Variants in SEMG1 observed in about 807,000 individuals in gnomAD.
SEMG1 encodes the protein semenogelin 1.
In SEMG1, 6 loss-of-function variants were observed where a neutral mutation model predicts 8.8. The observed-to-expected ratio is 0.68, with a 90% CI of 0.37 to 1.35. SEMG1 has a LOEUF of 1.35. SEMG1 is among the 40% of genes most tolerant of loss of function. The pLI, the probability that SEMG1 is intolerant of heterozygous loss-of-function variation, is 0.02. For synonymous variants in SEMG1, 221 were observed against 190.3 expected (o/e 1.16, Z -1.33); for missense variants, 580 against 533.6 (o/e 1.09, Z -0.86).
chr20:45,209,150 C>T (rs972280362), intron 2 of SEMG1, among the ~76,000 whole-genome samples: 4 of 152,106 alleles, frequency 2.6e-5, no homozygotes, highest in Non-Finnish European at 4.4e-5. Context: ...TCTTTCTGCA[C>T]ACCAGTGAAT....
At chr20:45,207,308 G>T in intron 1 of SEMG1, 66 bp from the exon 2 acceptor site, 1 of 1,446,922 alleles carries the variant, frequency 6.9e-7, no homozygotes, top group Non-Finnish European at 9.4e-7. Flanking sequence ...GGGAAAAGTG[G>T]GGGGTAAGAG....
In SEMG1 at chr20:45,207,061, C is replaced by T; in HGVS notation, c.8C>T (p.Pro3Leu). The change falls in exon 1 of 3, where the codon CCC becomes CTC. Residue 3 changes from proline to leucine, a missense_variant. By Grantham distance (98) the Pro-to-Leu change is moderately conservative. Transcript: ENST00000372781. ...CAAGGTTTTCCAAGCAAGATGAAGC[C>T]CAACATCATCTTTGTACTTTCCCTG... MK[P>L]NIIFVLSLLL... The T allele has an allele frequency of 6.2e-7, 1 of 1,613,574 alleles. No individual in the cohort carries two copies. Among genetic ancestry groups the T allele is most frequent in the Non-Finnish European group, 8.5e-7 (1 of 1,179,684 alleles).
Position 45,208,975 on chromosome 20 carries a change from TA to T in SEMG1, c.*44+246del, listed in dbSNP as rs560731009. 2.6e-3 allele frequency among the ~76,000 whole-genome samples: 402 copies of T among 152,360 alleles called. 2 individuals carry two copies. Among genetic ancestry groups the T allele is most frequent in the Non-Finnish European group, 2.1e-3 (141 of 68,036 alleles). ...TCCTTAATTGAATATTCTTCAATAA[TA>T]TTTTTTTGTATATGCCTACCTGCTA... is the stretch of plus-strand genomic sequence containing the variant. On this transcript the variant is annotated intron_variant, in intron 2 of 2. Transcript: ENST00000372781.
In SEMG1 at chr20:45,207,449, A is replaced by T. The variant is rs1983718553; in HGVS notation, c.152A>T (p.Gln51Leu). 1 of 1,613,924 alleles carries T rather than the reference A, an allele frequency of 6.2e-7. No individual in the cohort carries two copies. Among genetic ancestry groups the T allele is most frequent in the East Asian group, 2.2e-5 (1 of 44,882 alleles). ...HGQKGQHYSG[Q>L]KGKQQTESKG... Reference sequence around the variant, plus strand: ...CAAAAGGGCCAGCACTATTCTGGACAAAAAGGCAAGCAACAAACTGAATCC... The same window carrying T: ...CAAAAGGGCCAGCACTATTCTGGACTAAAAGGCAAGCAACAAACTGAATCC... Residue 51 changes from glutamine to leucine, a missense_variant, in exon 2 of 3, where the codon CAA (glutamine) becomes CTA (leucine). By Grantham distance (113) the Gln-to-Leu change is moderately radical (BLOSUM62 -2). Coordinates refer to ENST00000372781, the MANE Select transcript of SEMG1 (RefSeq NM_003007.5).
At chr20:45,207,199 A>T in intron 1 of SEMG1, 70 bp downstream of exon 1, 4 of 1,599,732 alleles carry the variant, frequency 2.5e-6, no homozygotes, top group Non-Finnish European at 3.4e-6. Context: ...TTTGGGGTGC[A>T]AACAGTAACC....
At position 45,207,940 on chromosome 20, in the gene SEMG1, C is replaced by G; in HGVS notation, c.643C>G (p.Gln215Glu). 2 of 1,613,972 alleles carry G rather than the reference C, an allele frequency of 1.2e-6. No individual in the cohort carries two copies. The highest frequency in any genetic ancestry group is 1.7e-6 in the Non-Finnish European group (2 of 1,179,960). The change falls in exon 2 of 3, where the codon CAA becomes GAA. Residue 215 changes from glutamine to glutamate, a missense_variant. Physicochemically the swap from Gln to Glu is conservative, Grantham distance 29 (BLOSUM62 2). Transcript: ENST00000372781. ...ACAACGTGAGACTAAAAATTCTCATCAAAATAAAGGGCATTACCAAAATGT... is the reference window on the plus strand; with the variant it reads ...ACAACGTGAGACTAAAAATTCTCATGAAAATAAAGGGCATTACCAAAATGT... ...KQQRETKNSH[Q>E]NKGHYQNVVE...
chr20:45,208,223 T>C lies in SEMG1; in HGVS notation c.926T>C (p.Val309Ala). The change falls in exon 2 of 3, where the codon GTA (valine) becomes GCA (alanine). Residue 309 changes from valine to alanine, a missense_variant. By Grantham distance (64) the Val-to-Ala change is moderately conservative. Transcript: ENST00000372781. ...HYGENGVQKDVSQSSIYSQTE... is the reference protein window; with the variant it reads ...HYGENGVQKDASQSSIYSQTE... ...GGAGAAAATGGTGTGCAGAAAGATG[T>C]ATCCCAAAGCAGTATTTATAGCCAA... 1 of 1,612,536 alleles carries C rather than the reference T, an allele frequency of 6.2e-7. No individual in the cohort carries two copies. The highest frequency in any genetic ancestry group is 1.3e-5 in the African/African-American group (1 of 74,854).
Position 45,208,651 on chromosome 20 carries a change from C to T in SEMG1, c.1354C>T (p.His452Tyr), listed in dbSNP as rs1983773532. 6.2e-7 allele frequency: 1 copy of T among 1,612,112 alleles called. No individual in the cohort carries two copies. The highest frequency in any genetic ancestry group is 8.5e-7 in the Non-Finnish European group (1 of 1,179,110). ...EDDSDRHLAQ[H>Y]LNNDRNPLFT Reference sequence around the variant, plus strand: ...TGACAGTGATCGTCATTTGGCACAACATCTTAACAACGACCGAAACCCATT... The same window carrying T: ...TGACAGTGATCGTCATTTGGCACAATATCTTAACAACGACCGAAACCCATT... Residue 452 changes from histidine (H) to tyrosine (Y), a missense_variant, in exon 2 of 3, where the codon CAT becomes TAT. His to Tyr is a moderately conservative substitution (Grantham distance 83). Transcript: ENST00000372781.
At chr20:45,207,170 A>C in intron 1 of SEMG1, 41 bp downstream of exon 1, 8 of 1,612,664 alleles carry the variant, frequency 5.0e-6, no homozygotes, top group Non-Finnish European at 6.8e-6. Flanking sequence ...CTGCTCAGAC[A>C]GCTAATAATC....
chr20:45,207,196 T>C, intron 1 of SEMG1, 67 bp downstream of exon 1: 2 of 1,602,148 alleles, frequency 1.2e-6, no homozygotes, highest in East Asian at 2.2e-5. Flanking sequence ...TTATTTGGGG[T>C]GCAAACAGTA....
Position 45,207,700 on chromosome 20 carries a change from G to A in SEMG1, c.403G>A (p.Ala135Thr). The A allele has an allele frequency of 6.2e-7, 1 of 1,613,974 alleles. No individual in the cohort carries two copies. Among genetic ancestry groups the A allele is most frequent in the East Asian group, 2.2e-5 (1 of 44,878 alleles). ...RVVIHHKGGK[A>T]HRGTQNPSQD... ...AGTTATACACCATAAAGGAGGCAAA[G>A]CTCATCGTGGGACACAAAATCCTTC... Residue 135 changes from alanine to threonine, a missense_variant, in exon 2 of 3, where the codon GCT becomes ACT. Transcript: ENST00000372781.
chr20:45,208,637 G>T lies in SEMG1; in HGVS notation c.1340G>T (p.Arg447Leu). 3.7e-6 allele frequency: 6 copies of T among 1,612,514 alleles called. No homozygotes were observed. The highest frequency in any genetic ancestry group is 5.1e-6 in the Non-Finnish European group (6 of 1,179,474). The change falls in exon 2 of 3, where the codon CGT becomes CTT. Residue 447 changes from arginine (R) to leucine (L), a missense_variant. By Grantham distance (102) the Arg-to-Leu change is moderately radical. Transcript: ENST00000372781. Reference protein sequence around the residue: ...VIIEQEDDSDRHLAQHLNNDR... With the variant: ...VIIEQEDDSDLHLAQHLNNDR... ...ATAGAGCAGGAAGATGACAGTGATC[G>T]TCATTTGGCACAACATCTTAACAAC...
In SEMG1 at chr20:45,207,750, T is replaced by A; in HGVS notation, c.453T>A (p.Ser151=). 2 of 1,614,016 alleles carry A rather than the reference T, an allele frequency of 1.2e-6. No homozygotes were observed. The highest frequency in any genetic ancestry group is 1.7e-6 in the Non-Finnish European group (2 of 1,179,944). The change falls in exon 2 of 3, where the codon TCT becomes TCA. Residue 151 remains serine (S), a synonymous_variant. Coordinates refer to ENST00000372781, the MANE Select transcript of SEMG1 (RefSeq NM_003007.5). The part of the protein sequence containing the change: ...NPSQDQGNSP[S]GKGISSQYSN... ...CTCAAGATCAGGGGAATAGCCCATC[T>A]GGAAAGGGAATATCCAGTCAATATT... is the stretch of plus-strand genomic sequence containing the variant.
chr20:45,207,365 AAT>A lies in SEMG1; in HGVS notation c.77-8_77-7del, dbSNP rs770791147. Reference sequence around the variant, plus strand: ...AATGAATGCATACCTTCTTATTATCAATTACCAGGTGGATCAAAAGGCCGATT... The same window carrying A: ...AATGAATGCATACCTTCTTATTATCATACCAGGTGGATCAAAAGGCCGATT... On this transcript the variant is annotated splice_polypyrimidine_tract_variant and splice_region_variant and intron_variant, in intron 1 of 2. Transcript: ENST00000372781. 29 of 1,595,548 alleles carry A rather than the reference AAT, an allele frequency of 1.8e-5. No homozygotes were observed. The highest frequency in any genetic ancestry group is 5.2e-5 in the Admixed American group (3 of 57,936).
chr20:45,207,158 A>C, intron 1 of SEMG1, 29 bp downstream of exon 1: 1 of 1,613,354 alleles, frequency 6.2e-7, no homozygotes, highest in Non-Finnish European at 8.5e-7. Context: ...CCTTGGGGAA[A>C]GCTGCTCAGA....
In SEMG1 at chr20:45,208,608, A is replaced by C; in HGVS notation, c.1311A>C (p.Val437=). The C allele has an allele frequency of 6.2e-7, 1 of 1,613,918 alleles. No homozygotes were observed. Residue 437 remains valine, a synonymous_variant, in exon 2 of 3, where the codon GTA becomes GTC. Coordinates refer to ENST00000372781, the MANE Select transcript of SEMG1 (RefSeq NM_003007.5). The part of the protein sequence containing the change: ...QHGSHGGLDI[V]IIEQEDDSDR... ...GATCTCATGGGGGATTGGATATTGT[A>C]ATTATAGAGCAGGAAGATGACAGTG...
In SEMG1 at chr20:45,207,395, C is replaced by A. The variant is rs764393817; in HGVS notation, c.98C>A (p.Pro33Gln). 6.2e-7 allele frequency: 1 copy of A among 1,610,678 alleles called. No individual in the cohort carries two copies. The highest frequency in any genetic ancestry group is 1.3e-5 in the African/African-American group (1 of 74,666). Reference protein sequence around the residue: ...GQKGGSKGRLPSEFSQFPHGQ... With the variant: ...GQKGGSKGRLQSEFSQFPHGQ... Reference sequence around the variant, plus strand: ...CCAGGTGGATCAAAAGGCCGATTACCAAGTGAATTTTCCCAATTTCCACAC... The same window carrying A: ...CCAGGTGGATCAAAAGGCCGATTACAAAGTGAATTTTCCCAATTTCCACAC... The change falls in exon 2 of 3, where the codon CCA becomes CAA. Residue 33 changes from proline (P) to glutamine (Q), a missense_variant. Coordinates refer to ENST00000372781, the MANE Select transcript of SEMG1 (RefSeq NM_003007.5).
chr20:45,209,351 C>T (rs1273017804), intron 2 of SEMG1, among the ~76,000 whole-genome samples: 1 of 152,170 alleles, frequency 6.6e-6, no homozygotes, highest in African/African-American at 2.4e-5. Context: ...GTGTTTACAA[C>T]ATCAGGAGAA....
chr20:45,208,662 C>G lies in SEMG1; in HGVS notation c.1365C>G (p.Asn455Lys), dbSNP rs2233889. 15 of 1,608,608 alleles carry G rather than the reference C, an allele frequency of 9.3e-6. No homozygotes were observed. The highest frequency in any genetic ancestry group is 1.1e-5 in the Non-Finnish European group (13 of 1,177,350). ...SDRHLAQHLN[N>K]DRNPLFT is the part of the protein sequence containing the mutation. The stretch of plus-strand genomic sequence containing the variant: ...GTCATTTGGCACAACATCTTAACAA[C>G]GACCGAAACCCATTATTTACATAAA... Residue 455 changes from asparagine (N) to lysine (K), a missense_variant, in exon 2 of 3, where the codon AAC (asparagine) becomes AAG (lysine). Physicochemically the swap from Asn to Lys is moderately conservative, Grantham distance 94. Transcript: ENST00000372781.
Sources: gnomAD v4.1 joint callset for allele counts (sites outside exome capture counted in the v4.1 genomes callset) on GRCh38, gnomAD v4.1.1 for gene constraint, MANE v1.5 for transcripts, NCBI Gene and HGNC (gene_info 2026-07-23, HGNC 2026-07-21) for gene names.